Variants in ACKR3 observed in about 807,000 individuals in gnomAD.
ACKR3 encodes C-X-C chemokine receptor type 7.
In ACKR3, 6 loss-of-function variants were observed where a neutral mutation model predicts 22.4. That is an observed-to-expected ratio of 0.27 (90% CI 0.15 to 0.53). ACKR3 has a LOEUF of 0.53. Among genes scored for constraint, ACKR3 ranks in the 20% least tolerant of loss-of-function variants. ACKR3 has a pLI of 0.96. For synonymous variants in ACKR3, 209 were observed against 205.2 expected (o/e 1.02, Z -0.16); for missense variants, 396 against 475.2 (o/e 0.83, Z 1.55).
chr2:236,580,702 G>A lies in ACKR3; in HGVS notation c.237G>A (p.Thr79=), dbSNP rs368363375. The A allele has an allele frequency of 8.1e-6, 13 of 1,614,150 alleles. No individual in the cohort carries two copies. Among genetic ancestry groups the A allele is most frequent in the South Asian group, 6.6e-5 (6 of 91,076 alleles). Residue 79 remains threonine (T), a synonymous_variant, in exon 2 of 2, where the codon ACG becomes ACA. Transcript: ENST00000272928. ...NIQAKTTGYD[T]HCYILNLAIA... is the part of the protein sequence containing the mutation. ...AGGCCAAGACCACAGGCTATGACAC[G>A]CACTGCTACATCTTGAACCTGGCCA...
At position 236,579,675 on chromosome 2, in the gene ACKR3, A is replaced by T. The variant is rs137989630; in HGVS notation, c.-26-765A>T. On this transcript the variant is annotated intron_variant, in intron 1 of 1. Coordinates refer to ENST00000272928, the MANE Select transcript of ACKR3 (RefSeq NM_020311.3). Reference sequence around the variant, plus strand: ...CACACCTTGCTGTTGAAGCAGTTGAACAAATAAAGGAATGGAAAAACAGGT... The same window carrying T: ...CACACCTTGCTGTTGAAGCAGTTGATCAAATAAAGGAATGGAAAAACAGGT... 1.1e-4 allele frequency among the ~76,000 whole-genome samples: 17 copies of T among 152,328 alleles called. No individual in the cohort carries two copies. In the East Asian group the frequency reaches 2.9e-3, roughly 26 times the overall value.
the ACKR3 span, among the ~76,000 whole-genome samples, chr2:236,544,019 C>A: frequency 8.4e-6 from 1 of 119,596 alleles, no homozygotes; most frequent in East Asian, 2.6e-4. This position sits in a 1 kb window ranked among gnomAD's most constrained non-coding sequence, Gnocchi z 5.0. Context: ...GAGACAGAGT[C>A]TTGCTCTGTC....
rs767735345 is a variant in ACKR3, at chr2:236,574,983, C to A, written c.-27+5059C>A. ...CGGGAAAGTTCTCTCCCTGTCACTGCAACGTGCGACAGGGCCGCTAAAAAG... is the reference window on the plus strand; with the variant it reads ...CGGGAAAGTTCTCTCCCTGTCACTGAAACGTGCGACAGGGCCGCTAAAAAG... On this transcript the variant is annotated intron_variant, in intron 1 of 1. Transcript: ENST00000272928. The surrounding 1 kb of genome is among the most constrained non-coding windows in gnomAD (Gnocchi z 5.6). Among the ~76,000 whole-genome samples, 29 of 152,082 alleles carry A rather than the reference C, an allele frequency of 1.9e-4. No homozygotes were observed. The highest frequency in any genetic ancestry group is 6.5e-4 in the Admixed American group (10 of 15,270).
the ACKR3 span, among the ~76,000 whole-genome samples, chr2:236,556,816 G>A: frequency 3.9e-5 from 6 of 152,188 alleles, no homozygotes; most frequent in African/African-American, 1.4e-4. Flanking sequence ...AGCCTCCCAA[G>A]TAGCTGAGAT....
the ACKR3 span, among the ~76,000 whole-genome samples, chr2:236,545,822 C>T: frequency 6.6e-6 from 1 of 152,102 alleles, no homozygotes; most frequent in African/African-American, 2.4e-5. This position sits in a 1 kb window ranked among gnomAD's most constrained non-coding sequence, Gnocchi z 5.3. Context: ...AAAGAGAAGT[C>T]ATGTTTATTT....
At position 236,574,561 on chromosome 2, in the gene ACKR3, G is replaced by A. The variant is rs76511974; in HGVS notation, c.-27+4637G>A. ...CTGCAAACATGTGGAAGGGAGTTTG[G>A]AGGGACACTGGCCAGGTGCCTGAAC... On this transcript the variant is annotated intron_variant, in intron 1 of 1. Coordinates refer to ENST00000272928, the MANE Select transcript of ACKR3 (RefSeq NM_020311.3). This position sits in a 1 kb window ranked among gnomAD's most constrained non-coding sequence, Gnocchi z 5.6. 6.6e-6 allele frequency among the ~76,000 whole-genome samples: 1 copy of A among 152,250 alleles called. No individual in the cohort carries two copies. The highest frequency in any genetic ancestry group is 1.5e-5 in the Non-Finnish European group (1 of 68,016).
upstream of ACKR3, among the ~76,000 whole-genome samples, chr2:236,564,343 TGTGGA>T (rs1353194655): frequency 6.6e-6 from 1 of 152,264 alleles, no homozygotes; most frequent in African/African-American, 2.4e-5. Flanking sequence ...GCTCCCACTC[TGTGGA>T]GTGTAGTTTC....
the ACKR3 span, among the ~76,000 whole-genome samples, chr2:236,545,294 A>G: frequency 2.0e-5 from 3 of 152,194 alleles, no homozygotes; most frequent in East Asian, 5.8e-4. This position sits in a 1 kb window ranked among gnomAD's most constrained non-coding sequence, Gnocchi z 5.3. Context: ...TGGTGGGCTC[A>G]CTCACGGGTC....
the ACKR3 span, among the ~76,000 whole-genome samples, chr2:236,544,317 G>A: frequency 6.6e-6 from 1 of 152,124 alleles, no homozygotes; most frequent in Non-Finnish European, 1.5e-5. This position sits in a 1 kb window ranked among gnomAD's most constrained non-coding sequence, Gnocchi z 5.0. Flanking sequence ...GACAAAAAAG[G>A]ATCCAGGATT....
upstream of ACKR3, among the ~76,000 whole-genome samples, chr2:236,564,433 A>G (rs1691139524): frequency 2.6e-5 from 4 of 152,126 alleles, 1 homozygote; most frequent in South Asian, 8.3e-4. Context: ...TTTTTGTTCA[A>G]TGTGCTAAGA....
At chr2:236,562,501 T>C in the ACKR3 span, among the ~76,000 whole-genome samples, 1 of 152,142 alleles carries the variant, frequency 6.6e-6, no homozygotes, top group African/African-American at 2.4e-5. Flanking sequence ...TGTATACAAC[T>C]TGAAGTTGGG....
the ACKR3 span, among the ~76,000 whole-genome samples, chr2:236,539,913 C>A: frequency 1.3e-5 from 2 of 152,132 alleles, no homozygotes; most frequent in Non-Finnish European, 2.9e-5. Flanking sequence ...TTTATAAAAC[C>A]ATCAGATCTC....
intron 1 of ACKR3, among the ~76,000 whole-genome samples, chr2:236,573,387 A>G (rs1158303176): frequency 2.0e-5 from 3 of 152,346 alleles, no homozygotes; most frequent in Non-Finnish European, 4.4e-5. Flanking sequence ...GAGATGTTGG[A>G]AAGGGGAAGA....
intron 1 of ACKR3, among the ~76,000 whole-genome samples, chr2:236,572,488 T>A (rs1691330182): frequency 6.6e-6 from 1 of 152,236 alleles, no homozygotes; most frequent in African/African-American, 2.4e-5. Flanking sequence ...CTTTTCCTGC[T>A]ATAACAGATA....
the ACKR3 span, among the ~76,000 whole-genome samples, chr2:236,560,277 G>A: frequency 6.7e-6 from 1 of 149,320 alleles, no homozygotes; most frequent in South Asian, 2.1e-4. Flanking sequence ...CAGTGTGTAA[G>A]GGTCCCAATT....
At chr2:236,571,964 C>A (rs1691319975) in intron 1 of ACKR3, among the ~76,000 whole-genome samples, 1 of 152,086 alleles carries the variant, frequency 6.6e-6, no homozygotes, top group South Asian at 2.1e-4. Flanking sequence ...ATTAAAACGC[C>A]TTCAATTGGA....
the ACKR3 span, among the ~76,000 whole-genome samples, chr2:236,544,703 T>C: frequency 1.3e-5 from 2 of 152,236 alleles, no homozygotes; most frequent in East Asian, 3.9e-4. The surrounding 1 kb of genome is among the most constrained non-coding windows in gnomAD (Gnocchi z 5.0). Context: ...GGTGGTCTTG[T>C]AACCGAGCTG....
the ACKR3 span, among the ~76,000 whole-genome samples, chr2:236,558,769 C>T: frequency 2.0e-5 from 3 of 152,262 alleles, no homozygotes; most frequent in African/African-American, 4.8e-5. Flanking sequence ...AAGGGTCTCT[C>T]TTATTAATTA....
intron 1 of ACKR3, among the ~76,000 whole-genome samples, chr2:236,575,996 C>T (rs1019140151): frequency 1.3e-5 from 2 of 152,226 alleles, no homozygotes; most frequent in East Asian, 1.9e-4. Context: ...CCTCCCCTTC[C>T]TTCCCCCTGG....
Sources: allele counts gnomAD v4.1 joint callset (sites outside exome capture counted in the v4.1 genomes callset), GRCh38; gene constraint gnomAD v4.1.1; non-coding constraint Gnocchi (gnomAD v3.1); transcripts MANE v1.5; gene names NCBI Gene and HGNC (gene_info 2026-07-23, HGNC 2026-07-21).